The following SPPL3 variants were observed in gnomAD, a reference collection of about 807,000 sequenced individuals.
SPPL3 encodes signal peptide peptidase-like 3.
SPPL3 carries 5 observed loss-of-function variants against 42.4 expected under a neutral mutation model. That is an observed-to-expected ratio of 0.12 (90% CI 0.06 to 0.25). The LOEUF (loss-of-function observed/expected upper bound fraction) is 0.25, where lower values mean the gene tolerates loss of function less well. SPPL3 is among the 10% of genes least tolerant of loss of function. SPPL3 has a pLI of 1.00. For missense variants in SPPL3, 235 were observed against 489.0 expected (o/e 0.48, Z 4.90); for synonymous variants, 195 against 181.8 (o/e 1.07, Z -0.58).
chr12:120,787,701 G>A (rs1869769122), intron 3 of SPPL3, among the ~76,000 whole-genome samples: 1 of 152,042 alleles, frequency 6.6e-6, no homozygotes, highest in African/African-American at 2.4e-5. Context: ...CCGCTATCCT[G>A]ACTTTTATGA....
chr12:120,883,841 C>A (rs1873364488), intron 1 of SPPL3, among the ~76,000 whole-genome samples: 2 of 152,100 alleles, frequency 1.3e-5, no homozygotes, highest in Non-Finnish European at 2.9e-5. Flanking sequence ...GTGGCTCATG[C>A]CTGTAATACC....
intron 1 of SPPL3, among the ~76,000 whole-genome samples, chr12:120,828,016 G>T (rs1191243298): frequency 6.6e-6 from 1 of 152,134 alleles, no homozygotes; most frequent in Admixed American, 6.6e-5. Flanking sequence ...TCCAACTCCT[G>T]ACCTCAGGTG....
chr12:120,785,970 A>G (rs1869709912), intron 3 of SPPL3, among the ~76,000 whole-genome samples: 1 of 152,014 alleles, frequency 6.6e-6, no homozygotes, highest in African/African-American at 2.4e-5. Flanking sequence ...TACAAATAAA[A>G]TATGTAACCA....
At chr12:120,882,017 A>G (rs1179568951) in intron 1 of SPPL3, among the ~76,000 whole-genome samples, 5 of 151,990 alleles carry the variant, frequency 3.3e-5, no homozygotes, top group Non-Finnish European at 4.4e-5. Context: ...TATTAAATGG[A>G]AATTTCCAGA....
chr12:120,779,767 G>C (rs1021252987), intron 6 of SPPL3, among the ~76,000 whole-genome samples: 1 of 140,954 alleles, frequency 7.1e-6, no homozygotes, highest in Non-Finnish European at 1.5e-5. Context: ...CTGAGGTCAG[G>C]AGTTCAAGAC....
Position 120,870,833 on chromosome 12 carries a change from A to G in SPPL3, c.23+33012T>C, listed in dbSNP as rs975490825. On this transcript the variant is annotated intron_variant, in intron 1 of 10. Coordinates refer to ENST00000353487, the MANE Select transcript of SPPL3 (RefSeq NM_139015.5). ...CTGCCAGGGGCTCAGTGAGAGGAAA[A>G]TGAAGGTTGCTGTTTAATAAGTACA... is the stretch of plus-strand genomic sequence containing the variant. 4.2e-4 allele frequency among the ~76,000 whole-genome samples: 64 copies of G among 152,202 alleles called. 1 individual carries two copies. The highest frequency in any genetic ancestry group is 1.5e-3 in the African/African-American group (63 of 41,544).
chr12:120,845,285 AC>A, intron 1 of SPPL3: 1 of 357,754 alleles, frequency 2.8e-6, no homozygotes, highest in Non-Finnish European at 5.7e-6. Flanking sequence ...TTGTTGGCAA[AC>A]CCCAGGAGGA....
chr12:120,877,498 C>T (rs565275529), intron 1 of SPPL3, among the ~76,000 whole-genome samples: 9 of 152,214 alleles, frequency 5.9e-5, no homozygotes, highest in South Asian at 4.1e-4. Flanking sequence ...AAGCATAACC[C>T]GGCCAGGAGT....
chr12:120,898,929 G>C (rs1173625672), intron 1 of SPPL3, among the ~76,000 whole-genome samples: 1 of 152,188 alleles, frequency 6.6e-6, no homozygotes, highest in Non-Finnish European at 1.5e-5. Context: ...ACCAACATTA[G>C]TAATGTTGAG....
chr12:120,826,234 G>A lies in SPPL3; in HGVS notation c.24-15348C>T, dbSNP rs142781274. Among the ~76,000 whole-genome samples, 954 of 150,238 alleles carry A rather than the reference G, an allele frequency of 6.3e-3. 11 individuals are homozygous for A. The highest frequency in any genetic ancestry group is 7.6e-3 in the Non-Finnish European group (512 of 67,586). ...CTTGAACCTGGGAGGCAGAGGTGGC[G>A]GTGAGCTGAGATTGCACCATTGCAC... On this transcript the variant is annotated intron_variant, in intron 1 of 10. Coordinates refer to ENST00000353487, the MANE Select transcript of SPPL3 (RefSeq NM_139015.5).
chr12:120,763,509 T>A lies in SPPL3; in HGVS notation c.*1490A>T, dbSNP rs1158801234. 1 of 152,776 alleles carries A rather than the reference T, an allele frequency of 6.5e-6. No homozygotes were observed. Among genetic ancestry groups the A allele is most frequent in the African/African-American group, 2.4e-5 (1 of 41,466 alleles). The allele number at this position is 152,776 out of a possible 1,614,324, so 9.5% of individuals were successfully genotyped here. A position where few individuals can be genotyped will look rare whatever the true frequency, so the allele number is the denominator to read the frequency against. ...CAGCCTTTGTTGTCAGGCATCCTCA[T>A]GCCAACCGCAGGCTTCTCTTTGCCT... On this transcript the variant is annotated 3_prime_UTR_variant, in exon 11 of 11. Coordinates refer to ENST00000353487, the MANE Select transcript of SPPL3 (RefSeq NM_139015.5).
intron 1 of SPPL3, among the ~76,000 whole-genome samples, chr12:120,881,282 A>C (rs1011553952): frequency 3.3e-5 from 5 of 151,688 alleles, no homozygotes; most frequent in East Asian, 3.9e-4. Flanking sequence ...TAGCCTAACC[A>C]ACATGGTGAA....
intron 1 of SPPL3, among the ~76,000 whole-genome samples, chr12:120,902,128 C>T (rs1002606722): frequency 3.9e-5 from 6 of 152,230 alleles, no homozygotes; most frequent in African/African-American, 1.4e-4. Context: ...TCCCTACGAC[C>T]TGCTACTGAA....
chr12:120,877,385 C>T (rs895524614), intron 1 of SPPL3, among the ~76,000 whole-genome samples: 5 of 152,086 alleles, frequency 3.3e-5, no homozygotes, highest in Non-Finnish European at 7.4e-5. Flanking sequence ...ACCCTGATAC[C>T]AAAACTAAAG....
intron 2 of SPPL3, among the ~76,000 whole-genome samples, chr12:120,807,627 T>C (rs1267450367): frequency 6.7e-6 from 1 of 149,792 alleles, no homozygotes; most frequent in Non-Finnish European, 1.5e-5. Context: ...TGAGCAGAGA[T>C]TGCGCCACTG....
chr12:120,785,832 T>G (rs1434799521), intron 3 of SPPL3, among the ~76,000 whole-genome samples: 1 of 141,566 alleles, frequency 7.1e-6, no homozygotes, highest in Non-Finnish European at 1.5e-5. Context: ...AAAAAAAAAA[T>G]TAGGCATGTT....
chr12:120,880,980 G>A (rs1010661058), intron 1 of SPPL3, among the ~76,000 whole-genome samples: 1 of 151,632 alleles, frequency 6.6e-6, no homozygotes, highest in Non-Finnish European at 1.5e-5. Flanking sequence ...CTAATCACTA[G>A]AGAAATATAA....
At chr12:120,821,230 A>ACCCCACATTAAAGG (rs1202299090) in intron 1 of SPPL3, among the ~76,000 whole-genome samples, 1 of 152,162 alleles carries the variant, frequency 6.6e-6, no homozygotes, top group Admixed American at 6.5e-5. Context: ...CAGAAAGAAG[A>ACCCCACATTAAAGG]CCCCACATTA....
intron 1 of SPPL3, among the ~76,000 whole-genome samples, chr12:120,861,217 T>C (rs562354881): frequency 1.2e-4 from 19 of 152,240 alleles, no homozygotes; most frequent in African/African-American, 3.8e-4. Context: ...CATTCTAGCA[T>C]GAAAGCAGCC....
Sources: allele counts gnomAD v4.1 joint callset (sites outside exome capture counted in the v4.1 genomes callset), GRCh38; gene constraint gnomAD v4.1.1; transcripts MANE v1.5; gene names NCBI Gene and HGNC (gene_info 2026-07-23, HGNC 2026-07-21).